The following FBXO6 variants were observed in gnomAD, a reference collection of about 807,000 sequenced individuals.
The protein encoded by FBXO6 is F-box only protein 6.
FBXO6 carries 13 observed loss-of-function variants against 25.0 expected under a neutral mutation model. The ratio of observed to expected loss-of-function variants is 0.52; its 90% CI spans 0.34 to 0.83. FBXO6 has a LOEUF of 0.83. FBXO6 is among the 40% of genes least tolerant of loss of function. The probability of loss-of-function intolerance (pLI) is 0.02; values close to 1 mark genes in which losing one functional copy is unlikely to be tolerated. For synonymous variants in FBXO6, 138 were observed against 155.3 expected, an observed-to-expected ratio of 0.89 and a Z score of 0.83; for missense variants, 370 against 380.2, an observed-to-expected ratio of 0.97 and a Z score of 0.22.
chr1:11,665,224 T>C (rs1429520351), intron 1 of FBXO6, among the ~76,000 whole-genome samples: 3 of 117,852 alleles, frequency 2.5e-5, no homozygotes, highest in Non-Finnish European at 3.4e-5. Flanking sequence ...TCTTTTTTTT[T>C]TTTTTTTTTT....
Position 11,674,135 on chromosome 1 carries a change from T to C in FBXO6, c.*284T>C. On this transcript the variant is annotated 3_prime_UTR_variant, in exon 6 of 6. Coordinates refer to ENST00000376753, the MANE Select transcript of FBXO6 (RefSeq NM_018438.6). This position sits in a 1 kb window ranked among gnomAD's most constrained non-coding sequence, Gnocchi z 6.1. ...CTGGCCAACACGGTGAAACCCTGTC[T>C]CTACTAAAAATACAAAAAATTAGCC... The C allele has an allele frequency of 2.9e-6, 1 of 344,372 alleles. No individual in the cohort carries two copies. The highest frequency in any genetic ancestry group is 5.6e-6 in the Non-Finnish European group (1 of 178,434). The allele number at this position is 344,372 out of a possible 1,614,324, so 21.3% of individuals were successfully genotyped here.
intron 2 of FBXO6, among the ~76,000 whole-genome samples, chr1:11,670,205 T>C (rs920899998): frequency 1.4e-5 from 2 of 142,128 alleles, no homozygotes; most frequent in Non-Finnish European, 1.5e-5. Context: ...AGAGCAAGAC[T>C]CCGTCTCAAA....
chr1:11,669,623 T>C (rs986827708), intron 2 of FBXO6, among the ~76,000 whole-genome samples: 1 of 150,682 alleles, frequency 6.6e-6, no homozygotes, highest in African/African-American at 2.4e-5. Flanking sequence ...CATATACGTA[T>C]ATACACATGT....
intron 2 of FBXO6, among the ~76,000 whole-genome samples, chr1:11,670,609 A>T (rs1399600253): frequency 1.4e-5 from 2 of 144,960 alleles, no homozygotes; most frequent in African/African-American, 5.2e-5. Context: ...AGCCTTTTTT[A>T]AAAAATTATT....
intron 4 of FBXO6, among the ~76,000 whole-genome samples, chr1:11,672,959 G>A (rs537590304): frequency 5.3e-5 from 8 of 152,228 alleles, no homozygotes; most frequent in African/African-American, 1.9e-4. Context: ...CTGGTCCATT[G>A]TAAGTACAGG....
intron 2 of FBXO6, 117 bp from the exon 3 acceptor site, chr1:11,671,149 C>T: frequency 1.5e-6 from 2 of 1,318,344 alleles, no homozygotes; most frequent in Non-Finnish European, 2.1e-6. Context: ...CAAGTCCTGC[C>T]TCCCAAGAAG....
At chr1:11,667,298 G>A (rs976383102) in intron 1 of FBXO6, among the ~76,000 whole-genome samples, 2 of 152,164 alleles carry the variant, frequency 1.3e-5, no homozygotes, top group African/African-American at 4.8e-5. Context: ...ACCTACCTGG[G>A]GCAAGTACCT....
chr1:11,671,232 C>T (rs747229716), intron 2 of FBXO6, 34 bp from the exon 3 acceptor site: 3 of 1,606,084 alleles, frequency 1.9e-6, no homozygotes, highest in Non-Finnish European at 2.6e-6. Context: ...TGGATTTACA[C>T]AGGGGGTCTC....
Position 11,673,311 on chromosome 1 carries a change from C to G in FBXO6, c.544C>G (p.Gln182Glu), listed in dbSNP as rs751433896. ...AARADCGCTYQLKVQLASADY... is the reference protein window; with the variant it reads ...AARADCGCTYELKVQLASADY... ...CAGAGCCGACTGTGGCTGCACCTAC[C>G]AACTCAAAGTGCAGCTGGCCTCGGC... Residue 182 changes from glutamine (Q) to glutamate (E), a missense_variant, in exon 5 of 6, where the codon CAA becomes GAA. Transcript: ENST00000376753. The surrounding 1 kb of genome is among the most constrained non-coding windows in gnomAD (Gnocchi z 4.3). 1 of 1,613,996 alleles carries G rather than the reference C, an allele frequency of 6.2e-7. No homozygotes were observed. The highest frequency in any genetic ancestry group is 1.1e-5 in the South Asian group (1 of 91,062).
intron 2 of FBXO6, 94 bp downstream of exon 2, chr1:11,669,038 C>T: frequency 6.8e-7 from 1 of 1,475,730 alleles, no homozygotes; most frequent in South Asian, 1.3e-5. Flanking sequence ...CTGGAATATT[C>T]TCTAACCCTA....
chr1:11,672,248 G>A (rs1029558166), intron 4 of FBXO6, among the ~76,000 whole-genome samples: 2 of 152,122 alleles, frequency 1.3e-5, no homozygotes, highest in Non-Finnish European at 2.9e-5. Context: ...CAGTGTGCAG[G>A]TGAGGAGGCT....
intron 1 of FBXO6, among the ~76,000 whole-genome samples, chr1:11,667,882 G>A (rs545564744): frequency 6.6e-6 from 1 of 152,178 alleles, no homozygotes; most frequent in East Asian, 1.9e-4. Flanking sequence ...CATGGGGTCA[G>A]GAGATTGAGA....
chr1:11,669,943 T>G (rs1570274351), intron 2 of FBXO6, among the ~76,000 whole-genome samples: 1 of 136,148 alleles, frequency 7.3e-6, no homozygotes, highest in Admixed American at 7.2e-5. Flanking sequence ...CCGGGGGCGG[T>G]GGCTCACGCC....
Position 11,671,941 on chromosome 1 carries a change from T to G in FBXO6, c.427T>G (p.Ser143Ala), listed in dbSNP as rs988426361. ...FVTSYEMCLK[S>A]QLVDLVAEGY... ...TCTGCTCCCCAGAATGTGCCTCAAGTCCCAGCTGGTGGACCTTGTAGCCGA... is the reference window on the plus strand; with the variant it reads ...TCTGCTCCCCAGAATGTGCCTCAAGGCCCAGCTGGTGGACCTTGTAGCCGA... Residue 143 changes from serine (S) to alanine (A), a missense_variant, in exon 4 of 6, where the codon TCC becomes GCC. By Grantham distance (99) the Ser-to-Ala change is moderately conservative. Transcript: ENST00000376753. The G allele has an allele frequency of 2.5e-5, 41 of 1,613,918 alleles. No individual in the cohort carries two copies. The highest frequency in any genetic ancestry group is 3.4e-5 in the Non-Finnish European group (40 of 1,179,954).
chr1:11,671,903 G>A (rs1423737333), intron 3 of FBXO6, 25 bp from the exon 4 acceptor site: 3 of 1,599,666 alleles, frequency 1.9e-6, no homozygotes, highest in African/African-American at 1.3e-5. Flanking sequence ...ACCCAGGTAT[G>A]CAAGCCCCCA....
In FBXO6 at chr1:11,671,872, G is replaced by C. The variant is rs942638573; in HGVS notation, c.414-56G>C. The C allele has an allele frequency of 2.7e-4, 375 of 1,377,016 alleles. No homozygotes were observed. In the African/African-American group the frequency reaches 9.5e-3, roughly 35 times the overall value. The allele number at this position is 1,377,016 out of a possible 1,614,324, so 85.3% of individuals were successfully genotyped here. A position where few individuals can be genotyped will look rare whatever the true frequency, so the allele number is the denominator to read the frequency against. ...CAGGGGCTGCCAAGGCCTGGGTGAG[G>C]GGGGGGGCCATGCAGAGCACACCCA... On this transcript the variant is annotated intron_variant, in intron 3 of 5. Transcript: ENST00000376753.
chr1:11,673,928 C>T lies in FBXO6; in HGVS notation c.*77C>T, dbSNP rs1027129825. 1.0e-5 allele frequency: 13 copies of T among 1,305,276 alleles called. No individual in the cohort carries two copies. Among genetic ancestry groups the T allele is most frequent in the Admixed American group, 3.4e-5 (2 of 58,144 alleles). The allele number at this position is 1,305,276 out of a possible 1,614,324, so 80.9% of individuals were successfully genotyped here. A position where few individuals can be genotyped will look rare whatever the true frequency, so the allele number is the denominator to read the frequency against. On this transcript the variant is annotated 3_prime_UTR_variant, in exon 6 of 6. Coordinates refer to ENST00000376753, the MANE Select transcript of FBXO6 (RefSeq NM_018438.6). The surrounding 1 kb of genome is among the most constrained non-coding windows in gnomAD (Gnocchi z 4.3). The stretch of plus-strand genomic sequence containing the variant: ...TGAGCATGGGGTGGGCAGTGAGGTC[C>T]CTGTACCAGCGACTCCTGCCCCGGT...
chr1:11,665,596 T>C (rs1640409998), intron 1 of FBXO6, among the ~76,000 whole-genome samples: 1 of 105,426 alleles, frequency 9.5e-6, no homozygotes, highest in African/African-American at 4.1e-5. Flanking sequence ...ATTCTCACTC[T>C]GTTGCCCAGG....
rs1237267138 is a variant in FBXO6 at position 11,673,657 on chromosome 1, A to T, written c.688A>T (p.Ile230Phe). 6.2e-7 allele frequency: 1 copy of T among 1,613,658 alleles called. No homozygotes were observed. The highest frequency in any genetic ancestry group is 1.1e-5 in the South Asian group (1 of 91,052). The change falls in exon 6 of 6, where the codon ATC becomes TTC. Residue 230 changes from isoleucine (I) to phenylalanine (F), a missense_variant. By Grantham distance (21) the Ile-to-Phe change is conservative (BLOSUM62 0). Transcript: ENST00000376753. The surrounding 1 kb of genome is among the most constrained non-coding windows in gnomAD (Gnocchi z 4.3). ...AGACTACCCCCGGGGTGTCCGCTACATCCTCTTCCAGCATGGGGGCAGGGA... is the reference window on the plus strand; with the variant it reads ...AGACTACCCCCGGGGTGTCCGCTACTTCCTCTTCCAGCATGGGGGCAGGGA... ...FSDYPRGVRY[I>F]LFQHGGRDTQ...
Sources: gnomAD v4.1 joint callset for allele counts (sites outside exome capture counted in the v4.1 genomes callset) on GRCh38, gnomAD v4.1.1 for gene constraint, Gnocchi (gnomAD v3.1) non-coding constraint, MANE v1.5 for transcripts, NCBI Gene and HGNC (gene_info 2026-07-23, HGNC 2026-07-21) for gene names.